DNAH8: variants seen among roughly 807,000 people sequenced by gnomAD.
DNAH8 encodes dynein axonemal heavy chain 8, also known as axonemal beta dynein heavy chain 8.
DNAH8 carries 382 observed loss-of-function variants against 562.1 expected under a neutral mutation model. That is an observed-to-expected ratio of 0.68 (90% CI 0.63 to 0.74). The LOEUF (loss-of-function observed/expected upper bound fraction) is 0.74. Among genes scored for constraint, DNAH8 ranks in the 30% least tolerant of loss-of-function variants. The pLI is 0.00. For missense variants in DNAH8, 5,203 were observed against 5,620.4 expected (o/e 0.93, Z 2.37); for synonymous variants, 1,881 against 1,919.4 (o/e 0.98, Z 0.52).
intron 24 of DNAH8, among the ~76,000 whole-genome samples, chr6:38,812,908 A>G (rs1771925582): frequency 6.6e-6 from 1 of 152,222 alleles, no homozygotes. Context: ...ATATGGAAAG[A>G]ATAATAATCG....
intron 88 of DNAH8, among the ~76,000 whole-genome samples, chr6:38,994,875 C>T (rs1446902299): frequency 6.6e-6 from 1 of 152,008 alleles, no homozygotes; most frequent in Non-Finnish European, 1.5e-5. Context: ...AGCTCTTGAC[C>T]ACACGTGATC....
At chr6:38,891,563 C>T (rs770729457) in intron 58 of DNAH8, among the ~76,000 whole-genome samples, 2 of 152,182 alleles carry the variant, frequency 1.3e-5, no homozygotes, top group African/African-American at 2.4e-5. Context: ...TTGGGGGTTT[C>T]TTATGAGATG....
At chr6:38,849,708 A>G (rs761632975) in intron 37 of DNAH8, among the ~76,000 whole-genome samples, 1 of 152,108 alleles carries the variant, frequency 6.6e-6, no homozygotes, top group Non-Finnish European at 1.5e-5. Context: ...GCCAATTGCT[A>G]GAGGCATTTT....
At chr6:38,723,565 C>T (rs75203041) in intron 3 of DNAH8, 94 bp downstream of exon 3, 6 of 1,379,422 alleles carry the variant, frequency 4.3e-6, no homozygotes, top group Non-Finnish European at 5.8e-6. Flanking sequence ...ACAACAACAA[C>T]AAAAATCATT....
chr6:38,925,473 G>C (rs974966512), intron 73 of DNAH8, among the ~76,000 whole-genome samples: 21 of 151,944 alleles, frequency 1.4e-4, no homozygotes, highest in Non-Finnish European at 1.5e-5. Context: ...TGGGATTATA[G>C]GCATGAACCA....
chr6:38,867,603 AT>A (rs1777140291), intron 47 of DNAH8, among the ~76,000 whole-genome samples: 1 of 150,908 alleles, frequency 6.6e-6, no homozygotes, highest in Non-Finnish European at 1.5e-5. Flanking sequence ...AAAAAAAAAA[AT>A]TAGCCAGGCG....
rs756737100 is a variant in DNAH8, at chr6:38,866,671, T to C, written c.6579T>C (p.Asp2193=). The change falls in exon 46 of 93, where the codon GAT becomes GAC. Residue 2193 remains aspartate (D), a synonymous_variant. Coordinates refer to ENST00000327475, the MANE Select transcript of DNAH8 (RefSeq NM_001206927.2). The part of the protein sequence containing the change: ...QFRTVAMMVP[D]RQIIMRVKLA... ...GAACTGTTGCTATGATGGTTCCTGA[T>C]AGACAGGTATGCACTAGGATTTAAA... The C allele has an allele frequency of 6.2e-7, 1 of 1,612,014 alleles. No homozygotes were observed. Among genetic ancestry groups the C allele is most frequent in the South Asian group, 1.1e-5 (1 of 90,472 alleles).
chr6:38,914,435 C>G lies in DNAH8; in HGVS notation c.9963+483C>G, dbSNP rs1401547738. The stretch of plus-strand genomic sequence containing the variant: ...TTTTTTTTTGAGACAGAGTCTTGCT[C>G]TGTTGCCCAGGCTGGAGTGCAGTGG... On this transcript the variant is annotated intron_variant, in intron 67 of 92. Transcript: ENST00000327475. Among the ~76,000 whole-genome samples, 9 of 107,240 alleles carry G rather than the reference C, an allele frequency of 8.4e-5. No homozygotes were observed. In the South Asian group the frequency reaches 1.7e-3, roughly 20 times the overall value. 70.4% of individuals were successfully genotyped at this position (107,240 alleles called of 152,430 possible). A position where few individuals can be genotyped will look rare whatever the true frequency, so the allele number is the denominator to read the frequency against.
chr6:39,022,333 TC>T (rs1281376898), intron 91 of DNAH8, among the ~76,000 whole-genome samples: 1 of 152,196 alleles, frequency 6.6e-6, no homozygotes, highest in Non-Finnish European at 1.5e-5. Flanking sequence ...ACTGTCCTCT[TC>T]CCCCAGCTCC....
chr6:38,865,092 A>T (rs1158595851), intron 45 of DNAH8, among the ~76,000 whole-genome samples: 1 of 152,230 alleles, frequency 6.6e-6, no homozygotes, highest in African/African-American at 2.4e-5. Context: ...AGGCATGAAT[A>T]AACGGGAGTT....
chr6:38,985,438 T>A (rs1417558695), intron 87 of DNAH8, among the ~76,000 whole-genome samples: 12 of 152,280 alleles, frequency 7.9e-5, no homozygotes, highest in African/African-American at 2.9e-4. Context: ...GCTTTGGGAG[T>A]ATTTTGATAA....
intron 82 of DNAH8, among the ~76,000 whole-genome samples, chr6:38,958,457 A>T (rs1762403589): frequency 6.6e-6 from 1 of 151,384 alleles, no homozygotes; most frequent in African/African-American, 2.4e-5. Context: ...ATCATAACTG[A>T]TAACACAGAA....
rs1027935525 is a variant in DNAH8 at position 38,732,932 on chromosome 6, A to G, written c.611-1542A>G. Among the ~76,000 whole-genome samples the G allele has an allele frequency of 4.1e-4, 63 of 152,000 alleles. 2 individuals carry two copies. The highest frequency in any genetic ancestry group is 2.9e-5 in the Non-Finnish European group (2 of 68,004). ...TGAGATGGGTCTCACTAGGTTGCCC[A>G]GGCTGGAGTGCAGTGGCATGATCAT... On this transcript the variant is annotated intron_variant, in intron 4 of 92. Coordinates refer to ENST00000327475, the MANE Select transcript of DNAH8 (RefSeq NM_001206927.2).
chr6:38,862,440 C>G lies in DNAH8; in HGVS notation c.6292C>G (p.Leu2098Val). ...CTCAGATCAAATGGATTTCAGAGGC[C>G]TAGGAAGGATTTTCAAAGGCAAGTG... ...NCSDQMDFRG[L>V]GRIFKGLAQS... The change falls in exon 44 of 93, where the codon CTA becomes GTA. Residue 2098 changes from leucine (L) to valine (V), a missense_variant. Physicochemically the swap from Leu to Val is conservative, Grantham distance 32. Around this residue, in one of 6 missense-constraint regions of DNAH8, gnomAD observed 2,176 missense variants for 2,365.1 expected, o/e 0.92. Transcript: ENST00000327475. 1 of 1,607,578 alleles carries G rather than the reference C, an allele frequency of 6.2e-7. No homozygotes were observed. The highest frequency in any genetic ancestry group is 8.5e-7 in the Non-Finnish European group (1 of 1,177,680).
chr6:38,929,668 T>C lies in DNAH8; in HGVS notation c.11274+2T>C. ...ATTAAATCTGGCACCACTTTCAAGG[T>C]GAGCTTTGTAAAAAAAAAAAAAAAG... On this transcript the variant is annotated splice_donor_variant, in intron 75 of 92. Coordinates refer to ENST00000327475, the MANE Select transcript of DNAH8 (RefSeq NM_001206927.2). LOFTEE classifies it high-confidence loss of function. 1 of 1,433,930 alleles carries C rather than the reference T, an allele frequency of 7.0e-7. No homozygotes were observed. The highest frequency in any genetic ancestry group is 9.1e-7 in the Non-Finnish European group (1 of 1,097,544). 88.8% of individuals were successfully genotyped at this position (1,433,930 alleles called of 1,614,324 possible).
In DNAH8 at chr6:38,852,725, A is replaced by G. The variant is rs143128496; in HGVS notation, c.5498A>G (p.Asn1833Ser). 5.2e-5 allele frequency: 84 copies of G among 1,613,836 alleles called. No individual in the cohort carries two copies. Among genetic ancestry groups the G allele is most frequent in the Admixed American group, 1.2e-4 (7 of 60,030 alleles). Reference protein sequence around the residue: ...PHLPAVSDNINEVTFHAKDYD... With the variant: ...PHLPAVSDNISEVTFHAKDYD... ...CTCCCTGCAGTATCTGACAACATCA[A>G]TGAGGTGACATTTCATGCAAAAGAC... The change falls in exon 40 of 93, where the codon AAT becomes AGT. Residue 1833 changes from asparagine to serine, a missense_variant. Asn to Ser is a conservative substitution (Grantham distance 46). Transcript: ENST00000327475.
At chr6:38,992,244 A>G (rs1764843347) in intron 88 of DNAH8, among the ~76,000 whole-genome samples, 1 of 152,214 alleles carries the variant, frequency 6.6e-6, no homozygotes, top group African/African-American at 2.4e-5. Context: ...TTGGGATTAC[A>G]GGTGTGAGCC....
intron 41 of DNAH8, among the ~76,000 whole-genome samples, chr6:38,855,750 G>A (rs1001624956): frequency 1.3e-5 from 2 of 152,044 alleles, no homozygotes; most frequent in African/African-American, 4.8e-5. Flanking sequence ...CACCCGGCCC[G>A]GCCACAAACC....
chr6:38,956,261 C>G (rs1762238047), intron 82 of DNAH8, among the ~76,000 whole-genome samples: 1 of 152,198 alleles, frequency 6.6e-6, no homozygotes, highest in South Asian at 2.1e-4. Flanking sequence ...ACTGTCAGCT[C>G]TGGTCCCTCC....
Sources: gnomAD v4.1 joint callset for allele counts (sites outside exome capture counted in the v4.1 genomes callset) on GRCh38, gnomAD v4.1.1 for gene constraint, gnomAD v4.1.1 regional missense constraint, MANE v1.5 for transcripts, NCBI Gene and HGNC (gene_info 2026-07-23, HGNC 2026-07-21) for gene names.